Variants in ALPK1 observed in about 807,000 individuals in gnomAD.
The protein encoded by ALPK1 is alpha-protein kinase 1.
A neutral mutation model predicts 120.6 loss-of-function variants in ALPK1; 110 were observed. The observed-to-expected ratio is 0.91, with a 90% CI of 0.78 to 1.07. The LOEUF is 1.07. Ranked by LOEUF, ALPK1 falls within the 50% of genes least tolerant of loss-of-function variation. The probability of loss-of-function intolerance (pLI) is 0.00; values close to 1 mark genes in which losing one functional copy is unlikely to be tolerated. For synonymous variants in ALPK1, 582 were observed against 560.3 expected, an observed-to-expected ratio of 1.04 and a Z score of -0.55; for missense variants, 1,498 against 1,483.9, an observed-to-expected ratio of 1.01 and a Z score of -0.16.
At position 112,411,850 on chromosome 4, in the gene ALPK1, C is replaced by A. The variant is rs757280722; in HGVS notation, c.300C>A (p.Leu100=). The change falls in exon 5 of 16, where the codon CTC becomes CTA. Residue 100 remains leucine (L), a synonymous_variant. Coordinates refer to ENST00000650871, the MANE Select transcript of ALPK1 (RefSeq NM_025144.4). ...QLLASLRASI[L]ARDCAAAAAI... ...AGGCGTCCCTGAGGGCCTCCATCCT[C>A]GCTCGGGACTGTGCGGCTGCGGCGG... 6.2e-7 allele frequency: 1 copy of A among 1,613,148 alleles called. No homozygotes were observed. The highest frequency in any genetic ancestry group is 1.1e-5 in the South Asian group (1 of 90,892).
intron 6 of ALPK1, 82 bp from the exon 7 acceptor site, chr4:112,425,583 C>A: frequency 8.7e-7 from 1 of 1,147,644 alleles, no homozygotes; most frequent in Non-Finnish European, 1.3e-6. Context: ...CACATGTGCT[C>A]ATGAAGACTT....
chr4:112,315,979 C>G (rs1461423138), intron 2 of ALPK1, 127 bp downstream of exon 2: 1 of 152,196 alleles, frequency 6.6e-6, no homozygotes, highest in African/African-American at 2.4e-5. Flanking sequence ...AAACATTCCA[C>G]ATTTTATTGT....
chr4:112,311,247 C>T (rs1384614408), intron 1 of ALPK1, among the ~76,000 whole-genome samples: 1 of 152,174 alleles, frequency 6.6e-6, no homozygotes, highest in Non-Finnish European at 1.5e-5. Context: ...ATGACACTCT[C>T]ATCTGTTCAC....
rs1735064523 is a variant in ALPK1 at position 112,442,177 on chromosome 4, C to T, written c.*967C>T. Reference sequence around the variant, plus strand: ...GAGAACAGCATGGGAAAAACTGCCTCAATTACCTCCTACCAGGTCCTTCCC... The same window carrying T: ...GAGAACAGCATGGGAAAAACTGCCTTAATTACCTCCTACCAGGTCCTTCCC... On this transcript the variant is annotated 3_prime_UTR_variant, in exon 16 of 16. Coordinates refer to ENST00000650871, the MANE Select transcript of ALPK1 (RefSeq NM_025144.4). The T allele has an allele frequency of 3.9e-5, 6 of 152,074 alleles. No individual in the cohort carries two copies. Among genetic ancestry groups the T allele is most frequent in the Admixed American group, 3.9e-4 (6 of 15,268 alleles). The allele number at this position is 152,074 out of a possible 1,614,324, so 9.4% of individuals were successfully genotyped here.
chr4:112,333,880 G>T (rs763568405), intron 2 of ALPK1, among the ~76,000 whole-genome samples: 42 of 151,810 alleles, frequency 2.8e-4, no homozygotes, highest in Non-Finnish European at 4.7e-4. Context: ...GCTTCTTAAT[G>T]CTTTTTCTTT....
At chr4:112,343,845 C>G (rs1463571553) in intron 2 of ALPK1, among the ~76,000 whole-genome samples, 5 of 151,482 alleles carry the variant, frequency 3.3e-5, no homozygotes, top group African/African-American at 1.2e-4. Flanking sequence ...ACATTCATGC[C>G]CATCTGTTGC....
At chr4:112,305,809 GCATC>G (rs774330995) in intron 1 of ALPK1, among the ~76,000 whole-genome samples, 58 of 152,034 alleles carry the variant, frequency 3.8e-4, no homozygotes, top group Non-Finnish European at 7.1e-4. Context: ...GTGAGAGAAG[GCATC>G]CCTGTCTTGT....
intron 2 of ALPK1, among the ~76,000 whole-genome samples, chr4:112,330,229 A>G (rs1321978837): frequency 6.6e-6 from 1 of 152,240 alleles, no homozygotes; most frequent in African/African-American, 2.4e-5. Flanking sequence ...AGGGGTGTGT[A>G]TAAGTTCCTC....
At chr4:112,434,482 G>GAAAAT in intron 11 of ALPK1, among the ~76,000 whole-genome samples, 1 of 152,306 alleles carries the variant, frequency 6.6e-6, no homozygotes, top group Non-Finnish European at 1.5e-5. Context: ...CCAAAGTGTT[G>GAAAAT]CACTCCTTCC....
chr4:112,298,054 G>T (rs372733174), intron 1 of ALPK1, among the ~76,000 whole-genome samples: 1 of 152,058 alleles, frequency 6.6e-6, no homozygotes, highest in South Asian at 2.1e-4. Context: ...AAATTCCTTT[G>T]CATGTCTATT....
At chr4:112,420,598 A>G (rs1733947901) in intron 5 of ALPK1, among the ~76,000 whole-genome samples, 2 of 152,202 alleles carry the variant, frequency 1.3e-5, no homozygotes, top group African/African-American at 4.8e-5. Context: ...AGATAATTTC[A>G]ATAGGCGCTT....
chr4:112,392,708 G>A (rs1732473607), intron 4 of ALPK1, among the ~76,000 whole-genome samples: 1 of 151,866 alleles, frequency 6.6e-6, no homozygotes, highest in Non-Finnish European at 1.5e-5. Flanking sequence ...TTATTTTTTT[G>A]TAGAGATGGG....
Position 112,377,753 on chromosome 4 carries a change from G to C in ALPK1, c.-25G>C. 6.3e-7 allele frequency: 1 copy of C among 1,595,174 alleles called. No homozygotes were observed. The highest frequency in any genetic ancestry group is 8.6e-7 in the Non-Finnish European group (1 of 1,166,704). On this transcript the variant is annotated 5_prime_UTR_variant, in exon 3 of 16. Coordinates refer to ENST00000650871, the MANE Select transcript of ALPK1 (RefSeq NM_025144.4). ...AGGTAATTGATCACCCTAGACCCAG[G>C]GACACCCAATTCATCGTAATCATCA...
intron 12 of ALPK1, among the ~76,000 whole-genome samples, chr4:112,436,171 G>T (rs1220279352): frequency 6.6e-6 from 1 of 152,196 alleles, no homozygotes; most frequent in Non-Finnish European, 1.5e-5. Flanking sequence ...GTAAGCAGTG[G>T]AAGTACATTT....
At chr4:112,307,549 A>G (rs556241517) in intron 1 of ALPK1, among the ~76,000 whole-genome samples, 18 of 152,152 alleles carry the variant, frequency 1.2e-4, no homozygotes, top group African/African-American at 1.7e-4. Flanking sequence ...AGTCTGTTTT[A>G]TCAGAGACTA....
intron 2 of ALPK1, chr4:112,356,912 T>C (rs1299442935): frequency 3.4e-5 from 26 of 754,362 alleles, no homozygotes; most frequent in Non-Finnish European, 5.2e-5. Context: ...GTGTGAAGGA[T>C]TGGCATCCTT....
At chr4:112,333,316 T>C (rs578002974) in intron 2 of ALPK1, among the ~76,000 whole-genome samples, 9 of 152,320 alleles carry the variant, frequency 5.9e-5, no homozygotes, top group Admixed American at 2.0e-4. Context: ...CAAAGTATAG[T>C]TGCCATCTTG....
intron 7 of ALPK1, 165 bp downstream of exon 7, chr4:112,425,916 C>G: frequency 4.0e-6 from 2 of 498,778 alleles, no homozygotes; most frequent in South Asian, 2.7e-5. Context: ...AGGAGTGTCA[C>G]AAATATTAAT....
At chr4:112,342,657 G>C (rs985653836) in intron 2 of ALPK1, among the ~76,000 whole-genome samples, 11 of 152,158 alleles carry the variant, frequency 7.2e-5, no homozygotes, top group African/African-American at 2.7e-4. Context: ...CTAGTTTAGA[G>C]GTCTAGGACT....
Sources: allele counts gnomAD v4.1 joint callset (sites outside exome capture counted in the v4.1 genomes callset), GRCh38; gene constraint gnomAD v4.1.1; transcripts MANE v1.5; gene names NCBI Gene and HGNC (gene_info 2026-07-23, HGNC 2026-07-21).